The following RNF145 variants were observed in gnomAD, a reference collection of about 807,000 sequenced individuals.
RNF145 encodes the protein ring finger protein 145.
RNF145 carries 12 observed loss-of-function variants against 57.3 expected under a neutral mutation model. The ratio of observed to expected loss-of-function variants is 0.21; its 90% CI spans 0.13 to 0.34. The LOEUF is 0.34. Among genes scored for constraint, RNF145 ranks in the 10% least tolerant of loss-of-function variants. The probability of loss-of-function intolerance (pLI) is 1.00; values close to 1 mark genes in which losing one functional copy is unlikely to be tolerated. For synonymous variants in RNF145, 262 were observed against 288.3 expected, an observed-to-expected ratio of 0.91 and a Z score of 0.92; for missense variants, 429 against 799.0, an observed-to-expected ratio of 0.54 and a Z score of 5.58.
chr5:159,207,602 A>G, intron 1 of RNF145: 1 of 1,594,162 alleles, frequency 6.3e-7, no homozygotes, highest in East Asian at 2.2e-5. Flanking sequence ...TGAAAATGTT[A>G]AGAGCACAAA....
intron 3 of RNF145, among the ~76,000 whole-genome samples, chr5:159,193,378 A>G (rs982203465): frequency 6.6e-6 from 1 of 152,194 alleles, no homozygotes; most frequent in Admixed American, 6.5e-5. Context: ...GAGCATAGAA[A>G]ATCAACCAGG....
intron 4 of RNF145, 132 bp downstream of exon 4, chr5:159,181,828 T>A: frequency 1.7e-6 from 1 of 577,384 alleles, no homozygotes; most frequent in East Asian, 2.8e-5. Flanking sequence ...AAACAATGGG[T>A]ATATGTGGGA....
At chr5:159,162,900 T>C (rs1381471385) in intron 9 of RNF145, 32 bp downstream of exon 9, 4 of 1,544,418 alleles carry the variant, frequency 2.6e-6, no homozygotes, top group Non-Finnish European at 3.5e-6. Flanking sequence ...CAAAATTGGT[T>C]ATTATATAGA....
At chr5:159,169,442 C>G (rs1160470614) in intron 7 of RNF145, among the ~76,000 whole-genome samples, 2 of 152,106 alleles carry the variant, frequency 1.3e-5, no homozygotes, top group Non-Finnish European at 2.9e-5. Context: ...TTAAAGAAAT[C>G]TAGGGAAGGA....
chr5:159,182,402 C>T (rs1784922874), intron 3 of RNF145, among the ~76,000 whole-genome samples: 1 of 152,040 alleles, frequency 6.6e-6, no homozygotes, highest in African/African-American at 2.4e-5. Context: ...AGTGATATTA[C>T]ACTAAACATC....
At chr5:159,190,681 C>CAAAA (rs58247587) in intron 3 of RNF145, among the ~76,000 whole-genome samples, 1 of 87,270 alleles carries the variant, frequency 1.1e-5, no homozygotes, top group Non-Finnish European at 2.2e-5. Flanking sequence ...ACAACCATCT[C>CAAAA]AAAAAAAAAA....
At chr5:159,164,707 C>A (rs1031238886) in intron 8 of RNF145, among the ~76,000 whole-genome samples, 3 of 152,126 alleles carry the variant, frequency 2.0e-5, no homozygotes, top group Non-Finnish European at 4.4e-5. Context: ...AAAATGACAA[C>A]CCATTTCCTA....
chr5:159,160,324 G>A (rs564926176), intron 10 of RNF145, among the ~76,000 whole-genome samples: 1 of 152,186 alleles, frequency 6.6e-6, no homozygotes, highest in East Asian at 1.9e-4. Context: ...CAAAAAGTAT[G>A]TTCTAATCAA....
chr5:159,185,843 A>C (rs768561652), intron 3 of RNF145, among the ~76,000 whole-genome samples: 2 of 152,232 alleles, frequency 1.3e-5, no homozygotes, highest in Non-Finnish European at 2.9e-5. Flanking sequence ...CAAGGCACTA[A>C]TAAACTGAAA....
intron 3 of RNF145, among the ~76,000 whole-genome samples, chr5:159,190,457 A>G (rs948911085): frequency 6.6e-6 from 1 of 152,110 alleles, no homozygotes; most frequent in Non-Finnish European, 1.5e-5. Flanking sequence ...AGGCTGAGGC[A>G]GGAGGATATC....
chr5:159,204,803 CAAAAAAAAAA>C (rs1163143098), intron 1 of RNF145, among the ~76,000 whole-genome samples: 30 of 47,054 alleles, frequency 6.4e-4, no homozygotes, highest in Non-Finnish European at 1.1e-3. Context: ...GACTCCGTCT[CAAAAAAAAAA>C]AAAAAAAAAA....
At position 159,158,440 on chromosome 5, in the gene RNF145, G is replaced by A. The variant is rs987150798; in HGVS notation, c.*230C>T. On this transcript the variant is annotated 3_prime_UTR_variant, in exon 11 of 11. Transcript: ENST00000424310. Reference sequence around the variant, plus strand: ...CTTCACAAACCTCTATAAAACATCAGCAGAGAACATATAAATACATTTTGA... The same window carrying A: ...CTTCACAAACCTCTATAAAACATCAACAGAGAACATATAAATACATTTTGA... The A allele has an allele frequency of 3.8e-6, 2 of 529,850 alleles. No homozygotes were observed. The highest frequency in any genetic ancestry group is 3.8e-5 in the African/African-American group (2 of 52,764). The allele number at this position is 529,850 out of a possible 1,614,324, so 32.8% of individuals were successfully genotyped here. A position where few individuals can be genotyped will look rare whatever the true frequency, so the allele number is the denominator to read the frequency against.
chr5:159,188,422 T>C (rs895521769), intron 3 of RNF145, among the ~76,000 whole-genome samples: 3 of 151,752 alleles, frequency 2.0e-5, no homozygotes, highest in East Asian at 1.9e-4. Flanking sequence ...TACTGGAGTT[T>C]AGAAATTTTA....
At position 159,169,416 on chromosome 5, in the gene RNF145, C is replaced by T. The variant is rs147109814; in HGVS notation, c.938+263G>A. ...GCTAAACTTCAAATGGGAAAAAGCA[C>T]GCTTCTGAAAATCTCTTAAAGAAAT... is the stretch of plus-strand genomic sequence containing the variant. On this transcript the variant is annotated intron_variant, in intron 7 of 10. Transcript: ENST00000424310. Among the ~76,000 whole-genome samples the T allele has an allele frequency of 2.9e-3, 438 of 152,224 alleles. 1 individual carries two copies. Among genetic ancestry groups the T allele is most frequent in the African/African-American group, 9.6e-3 (400 of 41,542 alleles).
chr5:159,204,210 C>T (rs1337089629), intron 1 of RNF145, among the ~76,000 whole-genome samples: 1 of 152,188 alleles, frequency 6.6e-6, no homozygotes, highest in African/African-American at 2.4e-5. Context: ...GTAGAGGGAA[C>T]ATTATTTACA....
chr5:159,168,337 G>C (rs1294493406), intron 8 of RNF145, among the ~76,000 whole-genome samples: 2 of 152,216 alleles, frequency 1.3e-5, no homozygotes, highest in Admixed American at 1.3e-4. Flanking sequence ...GGTCCTATAA[G>C]TTGTCAAGAA....
chr5:159,191,980 T>A (rs1785304439), intron 3 of RNF145, among the ~76,000 whole-genome samples: 1 of 151,714 alleles, frequency 6.6e-6, no homozygotes, highest in African/African-American at 2.4e-5. Flanking sequence ...GGATTGGTAA[T>A]ACAGTCAGCC....
chr5:159,161,625 G>T lies in RNF145; in HGVS notation c.1270-3C>A. 6 of 1,311,020 alleles carry T rather than the reference G, an allele frequency of 4.6e-6. No individual in the cohort carries two copies. The highest frequency in any genetic ancestry group is 5.3e-6 in the Non-Finnish European group (5 of 941,888). 81.2% of individuals were successfully genotyped at this position (1,311,020 alleles called of 1,614,324 possible). A position where few individuals can be genotyped will look rare whatever the true frequency, so the allele number is the denominator to read the frequency against. ...TAAATAAAAAGTGTTCCCAGAACCT[G>T]AAAAAAAAAAAAAAATGTACGTATC... On this transcript the variant is annotated splice_polypyrimidine_tract_variant and splice_region_variant and intron_variant, in intron 9 of 10. Transcript: ENST00000424310.
chr5:159,169,570 T>C (rs1784483345), intron 7 of RNF145, 109 bp downstream of exon 7: 2 of 890,782 alleles, frequency 2.2e-6, no homozygotes, highest in East Asian at 5.7e-5. Context: ...AAAAAAAACC[T>C]CTCCAATTCC....
Sources: allele counts gnomAD v4.1 joint callset (sites outside exome capture counted in the v4.1 genomes callset), GRCh38; gene constraint gnomAD v4.1.1; transcripts MANE v1.5; gene names NCBI Gene and HGNC (gene_info 2026-07-23, HGNC 2026-07-21).